Variants in LMX1B observed in about 807,000 individuals in gnomAD.
The protein encoded by LMX1B is LIM homeobox transcription factor 1-beta.
In LMX1B, 12 loss-of-function variants were observed where a neutral mutation model predicts 51.4. The ratio of observed to expected loss-of-function variants is 0.23; its 90% confidence interval spans 0.15 to 0.38. The LOEUF is 0.38. LMX1B is among the 10% of genes least tolerant of loss of function. LMX1B has a pLI of 1.00. For synonymous variants in LMX1B, 237 were observed against 235.4 expected, an observed-to-expected ratio of 1.01 and a Z score of -0.06; for missense variants, 445 against 571.1, an observed-to-expected ratio of 0.78 and a Z score of 2.25.
rs1835526955 is a variant in LMX1B at position 126,626,191 on chromosome 9, G to A, written c.326+10622G>A. Reference sequence around the variant, plus strand: ...GTAGAGGATCCGCTCTGGAGTCCCCGTGCGCCCTGGCAGAGGTCGGGGACG... The same window carrying A: ...GTAGAGGATCCGCTCTGGAGTCCCCATGCGCCCTGGCAGAGGTCGGGGACG... On this transcript the variant is annotated intron_variant, in intron 2 of 7. Coordinates refer to ENST00000373474, the MANE Select transcript of LMX1B (RefSeq NM_001174147.2). This position sits in a 1 kb window ranked among gnomAD's most constrained non-coding sequence, Gnocchi z 4.3. Among the ~76,000 whole-genome samples, 1 of 152,212 alleles carries A rather than the reference G, an allele frequency of 6.6e-6. No homozygotes were observed.
chr9:126,668,386 G>C (rs1406821874), intron 2 of LMX1B, among the ~76,000 whole-genome samples: 2 of 152,098 alleles, frequency 1.3e-5, no homozygotes, highest in Admixed American at 1.3e-4. Context: ...TGGAGGTGGA[G>C]TCATGGGCCC....
At chr9:126,656,695 G>A (rs1378340316) in intron 2 of LMX1B, among the ~76,000 whole-genome samples, 1 of 152,220 alleles carries the variant, frequency 6.6e-6, no homozygotes, top group Non-Finnish European at 1.5e-5. Flanking sequence ...TGACATATGA[G>A]TCTAAAACAG....
intron 2 of LMX1B, among the ~76,000 whole-genome samples, chr9:126,660,273 T>G (rs1391575595): frequency 6.6e-6 from 1 of 151,760 alleles, no homozygotes; most frequent in African/African-American, 2.4e-5. Flanking sequence ...GCCTTAGAGA[T>G]TGTCCTGTGT....
chr9:126,647,798 G>T (rs775401445), intron 2 of LMX1B, among the ~76,000 whole-genome samples: 1 of 152,238 alleles, frequency 6.6e-6, no homozygotes, highest in Admixed American at 6.5e-5. Flanking sequence ...GCCCAACTCC[G>T]CAAGCCCACA....
rs1048855175 is a variant in LMX1B, at chr9:126,651,129, ATC to A, written c.326+35575_326+35576del. On this transcript the variant is annotated intron_variant, in intron 2 of 7. Transcript: ENST00000373474. ...AGGGCCTGCCCCTCTCTCCCTCCCC[ATC>A]TCTCTCTCTCTCTCCCTCCCCATCT... is the stretch of plus-strand genomic sequence containing the variant. Among the ~76,000 whole-genome samples, 29 of 147,414 alleles carry A rather than the reference ATC, an allele frequency of 2.0e-4. No individual in the cohort carries two copies. In the South Asian group the frequency reaches 3.2e-3, roughly 16 times the overall value.
intron 2 of LMX1B, among the ~76,000 whole-genome samples, chr9:126,672,928 TGACACTGGCACAG>T (rs960487282): frequency 1.3e-5 from 2 of 152,208 alleles, no homozygotes; most frequent in African/African-American, 4.8e-5. Flanking sequence ...CCCAGGCACA[TGACACTGGCACAG>T]GACTTGGTCA....
rs1835521163 is a variant in LMX1B, at chr9:126,626,009, T to C, written c.326+10440T>C. On this transcript the variant is annotated intron_variant, in intron 2 of 7. Transcript: ENST00000373474. The surrounding 1 kb of genome is among the most constrained non-coding windows in gnomAD (Gnocchi z 4.3). ...AAAACCAACACCCAGAAACGAAGCC[T>C]GCGTGCCCCCGGGGGCTCCGTTTTG... Among the ~76,000 whole-genome samples, 1 of 152,202 alleles carries C rather than the reference T, an allele frequency of 6.6e-6. No homozygotes were observed. The highest frequency in any genetic ancestry group is 1.5e-5 in the Non-Finnish European group (1 of 68,016).
chr9:126,650,528 C>T (rs1170966590), intron 2 of LMX1B, among the ~76,000 whole-genome samples: 5 of 152,242 alleles, frequency 3.3e-5, no homozygotes, highest in Non-Finnish European at 4.4e-5. Context: ...GAGGGAAACC[C>T]GAGTCAGCAG....
At chr9:126,645,245 C>A (rs1755260160) in intron 2 of LMX1B, among the ~76,000 whole-genome samples, 1 of 152,216 alleles carries the variant, frequency 6.6e-6, no homozygotes, top group Admixed American at 6.5e-5. Context: ...GAACTCTGCA[C>A]TTGATCCCTG....
intron 2 of LMX1B, among the ~76,000 whole-genome samples, chr9:126,621,002 G>C (rs1835400449): frequency 6.6e-6 from 1 of 152,212 alleles, no homozygotes; most frequent in Non-Finnish European, 1.5e-5. Context: ...GGCCCCTCCA[G>C]CTCGGGCTCT....
rs1835342844 is a variant in LMX1B at position 126,618,366 on chromosome 9, C to T, written c.326+2797C>T. 6.6e-6 allele frequency among the ~76,000 whole-genome samples: 1 copy of T among 152,140 alleles called. No homozygotes were observed. The highest frequency in any genetic ancestry group is 2.1e-4 in the South Asian group (1 of 4,830). On this transcript the variant is annotated intron_variant, in intron 2 of 7. Coordinates refer to ENST00000373474, the MANE Select transcript of LMX1B (RefSeq NM_001174147.2). The surrounding 1 kb of genome is among the most constrained non-coding windows in gnomAD (Gnocchi z 4.5). ...AAGTGCCAAGTTGTCTTACGCACCA[C>T]GGGGGTGATTAATTGACACTGGGGC...
chr9:126,665,761 C>T (rs1321048058), intron 2 of LMX1B, among the ~76,000 whole-genome samples: 1 of 152,228 alleles, frequency 6.6e-6, no homozygotes, highest in Admixed American at 6.5e-5. Flanking sequence ...CTACCAACCC[C>T]CCGGGTAGCC....
chr9:126,625,375 T>A lies in LMX1B; in HGVS notation c.326+9806T>A, dbSNP rs941394583. On this transcript the variant is annotated intron_variant, in intron 2 of 7. Coordinates refer to ENST00000373474, the MANE Select transcript of LMX1B (RefSeq NM_001174147.2). This position sits in a 1 kb window ranked among gnomAD's most constrained non-coding sequence, Gnocchi z 5.3. ...GAATGGGGGGAGGGTTAGTGGGATG[T>A]GTTTGCCTCCTCTGACCGAGAGCAC... 6.6e-6 allele frequency among the ~76,000 whole-genome samples: 1 copy of A among 152,118 alleles called. No homozygotes were observed. Among genetic ancestry groups the A allele is most frequent in the Non-Finnish European group, 1.5e-5 (1 of 68,010 alleles).
Position 126,615,852 on chromosome 9 carries a change from G to A in LMX1B, c.326+283G>A, listed in dbSNP as rs1430137881. Among the ~76,000 whole-genome samples, 1 of 152,230 alleles carries A rather than the reference G, an allele frequency of 6.6e-6. No individual in the cohort carries two copies. The highest frequency in any genetic ancestry group is 1.5e-5 in the Non-Finnish European group (1 of 68,042). On this transcript the variant is annotated intron_variant, in intron 2 of 7. Transcript: ENST00000373474. The surrounding 1 kb of genome is among the most constrained non-coding windows in gnomAD (Gnocchi z 6.0). ...GAGGGATTTGGTGCCTGGGTCCTGG[G>A]ATATAGGGTCTGGCGCTACGGAGGC...
Position 126,625,704 on chromosome 9 carries a change from T to TCCGCCGCCG in LMX1B, c.326+10144_326+10152dup, listed in dbSNP as rs552025674. On this transcript the variant is annotated intron_variant, in intron 2 of 7. Transcript: ENST00000373474. The surrounding 1 kb of genome is among the most constrained non-coding windows in gnomAD (Gnocchi z 5.3). ...GGCCCGTGGCGCCTTTCTCGCCACC[T>TCCGCCGCCG]CCGCCGCCGCCGCCGCCACCCTCGT... 1.3e-5 allele frequency among the ~76,000 whole-genome samples: 2 copies of TCCGCCGCCG among 152,046 alleles called. No individual in the cohort carries two copies. The highest frequency in any genetic ancestry group is 4.8e-5 in the African/African-American group (2 of 41,412).
In LMX1B at chr9:126,689,994, G is replaced by A. The variant is rs534046707; in HGVS notation, c.327-842G>A. Among the ~76,000 whole-genome samples, 30 of 152,360 alleles carry A rather than the reference G, an allele frequency of 2.0e-4. No individual in the cohort carries two copies. The South Asian group carries it at 5.0e-3, about 25-fold the overall frequency. On this transcript the variant is annotated intron_variant, in intron 2 of 7. Transcript: ENST00000373474. ...GAATATCTGTTCGTGATGGAGATGC[G>A]TAAGCTGAGACGGAGGGATGGGAAG... is the stretch of plus-strand genomic sequence containing the variant.
Position 126,645,116 on chromosome 9 carries a change from C to G in LMX1B, c.326+29547C>G, listed in dbSNP as rs146545243. 6.9e-3 allele frequency among the ~76,000 whole-genome samples: 1,052 copies of G among 152,302 alleles called. 2 individuals carry two copies. Among genetic ancestry groups the G allele is most frequent in the Middle Eastern group, 0.031 (9 of 294 alleles). On this transcript the variant is annotated intron_variant, in intron 2 of 7. Coordinates refer to ENST00000373474, the MANE Select transcript of LMX1B (RefSeq NM_001174147.2). ...CGCGTTCATCTGGCTGGGTTCCCCC[C>G]CTACCACCCACCACCGCCCCACTGG...
chr9:126,680,040 G>T lies in LMX1B; in HGVS notation c.327-10796G>T, dbSNP rs534172358. Among the ~76,000 whole-genome samples the T allele has an allele frequency of 2.4e-3, 369 of 152,324 alleles. 2 individuals carry two copies. Among genetic ancestry groups the T allele is most frequent in the African/African-American group, 8.3e-3 (345 of 41,576 alleles). On this transcript the variant is annotated intron_variant, in intron 2 of 7. Transcript: ENST00000373474. ...GCCTGGCCTATTCTGGCCATGCAGG[G>T]CCCCGGAGAGAAATCCAAAGGCCTC...
At chr9:126,676,554 C>T (rs766199421) in intron 2 of LMX1B, among the ~76,000 whole-genome samples, 1 of 152,198 alleles carries the variant, frequency 6.6e-6, no homozygotes, top group Non-Finnish European at 1.5e-5. Flanking sequence ...TTGCCAGACT[C>T]ACAGCGGGAC....
Sources: gnomAD v4.1 joint callset for allele counts (sites outside exome capture counted in the v4.1 genomes callset) on GRCh38, gnomAD v4.1.1 for gene constraint, Gnocchi (gnomAD v3.1) non-coding constraint, MANE v1.5 for transcripts, NCBI Gene and HGNC (gene_info 2026-07-23, HGNC 2026-07-21) for gene names.